The following SLCO3A1 variants were observed in gnomAD, a reference collection of about 807,000 sequenced individuals.
SLCO3A1 encodes the protein PGE1 transporter.
SLCO3A1 carries 27 observed loss-of-function variants against 63.1 expected under a neutral mutation model. That is an observed-to-expected ratio of 0.43 (90% CI 0.32 to 0.59). SLCO3A1 has a LOEUF of 0.59. Ranked by LOEUF, SLCO3A1 falls within the 20% of genes least tolerant of loss-of-function variation. The pLI is 0.09. For synonymous variants in SLCO3A1, 473 were observed against 409.9 expected, an observed-to-expected ratio of 1.15 and a Z score of -1.86; for missense variants, 773 against 945.8, an observed-to-expected ratio of 0.82 and a Z score of 2.40.
chr15:91,974,265 G>GTTGTTA (rs147991710), intron 2 of SLCO3A1, among the ~76,000 whole-genome samples: 1,677 of 142,944 alleles, frequency 0.012, 25 homozygotes, highest in African/African-American at 0.039. Context: ...TTTCATTATT[G>GTTGTTA]TTATTATTAT....
chr15:91,984,374 A>G (rs1419528272), intron 2 of SLCO3A1, among the ~76,000 whole-genome samples: 1 of 152,204 alleles, frequency 6.6e-6, no homozygotes, highest in African/African-American at 2.4e-5. Context: ...TTCTTATCGG[A>G]GATTTACAAA....
rs778079681 is a variant in SLCO3A1 at position 92,104,467 on chromosome 15, C to T, written c.934C>T (p.Pro312Ser). Residue 312 changes from proline (P) to serine (S), a missense_variant, in exon 4 of 10, where the codon CCC becomes TCC. By Grantham distance (74) the Pro-to-Ser change is moderately conservative. Coordinates refer to ENST00000318445, the MANE Select transcript of SLCO3A1 (RefSeq NM_013272.4). ...AMLSEREYER[P>S]KPSNGVLRHP... ...GCTCTCCGAAAGAGAATACGAGAGA[C>T]CCAAGCCCAGCAACGGGGTCCTGAG... The T allele has an allele frequency of 3.1e-6, 5 of 1,614,124 alleles. No homozygotes were observed. Among genetic ancestry groups the T allele is most frequent in the East Asian group, 2.2e-5 (1 of 44,860 alleles).
intron 2 of SLCO3A1, among the ~76,000 whole-genome samples, chr15:92,041,607 C>G (rs2046797616): frequency 6.6e-6 from 1 of 152,168 alleles, no homozygotes; most frequent in Non-Finnish European, 1.5e-5. Flanking sequence ...TGTCAGGTTT[C>G]ACTGAATATA....
intron 2 of SLCO3A1, among the ~76,000 whole-genome samples, chr15:91,931,939 T>C (rs1172357820): frequency 6.6e-6 from 1 of 152,162 alleles, no homozygotes; most frequent in African/African-American, 2.4e-5. Context: ...GATGTGAGCA[T>C]TGAAGAGACT....
intron 2 of SLCO3A1, among the ~76,000 whole-genome samples, chr15:91,997,570 C>T (rs2046206166): frequency 6.6e-6 from 1 of 152,022 alleles, no homozygotes; most frequent in East Asian, 1.9e-4. Context: ...GCAAAAAGAC[C>T]AAAGCTACAG....
At chr15:92,070,503 T>G (rs1411268425) in intron 2 of SLCO3A1, among the ~76,000 whole-genome samples, 3 of 151,942 alleles carry the variant, frequency 2.0e-5, no homozygotes, top group Non-Finnish European at 1.5e-5. Context: ...ATTAGCCAGG[T>G]GGGATGACGC....
intron 2 of SLCO3A1, among the ~76,000 whole-genome samples, chr15:91,974,751 C>T (rs771226508): frequency 1.3e-4 from 20 of 152,162 alleles, no homozygotes; most frequent in Admixed American, 5.9e-4. Flanking sequence ...GGCAGGAAGG[C>T]GGAGACATTC....
intron 2 of SLCO3A1, among the ~76,000 whole-genome samples, chr15:92,062,093 A>C (rs2047093715): frequency 2.0e-5 from 3 of 152,156 alleles, no homozygotes; most frequent in Admixed American, 2.0e-4. Context: ...TGAAGAGCAA[A>C]CCCTGAACAC....
intron 9 of SLCO3A1, chr15:92,162,361 G>C (rs1326404645): frequency 5.8e-6 from 1 of 172,792 alleles, no homozygotes; most frequent in Admixed American, 5.9e-5. Flanking sequence ...TGTTGGCCAG[G>C]CTGGTCTCAA....
intron 2 of SLCO3A1, among the ~76,000 whole-genome samples, chr15:92,039,125 C>A (rs1159810229): frequency 1.3e-5 from 2 of 152,250 alleles, no homozygotes; most frequent in Middle Eastern, 3.4e-3. Flanking sequence ...ACCGGAAAAA[C>A]CCTAGAAGAA....
chr15:91,862,740 A>G lies in SLCO3A1; in HGVS notation c.180+8652A>G, dbSNP rs1181948433. ...AAGGCAAACTAAATCCCTGCTCACA[A>G]AACTACAGGAATTTGAGGGAGTTAG... is the stretch of plus-strand genomic sequence containing the variant. On this transcript the variant is annotated intron_variant, in intron 1 of 9. Coordinates refer to ENST00000318445, the MANE Select transcript of SLCO3A1 (RefSeq NM_013272.4). This position sits in a 1 kb window ranked among gnomAD's most constrained non-coding sequence, Gnocchi z 4.0. 6.6e-6 allele frequency among the ~76,000 whole-genome samples: 1 copy of G among 152,198 alleles called. No individual in the cohort carries two copies. The highest frequency in any genetic ancestry group is 1.5e-5 in the Non-Finnish European group (1 of 68,032).
At chr15:91,927,887 A>G (rs573471346) in intron 2 of SLCO3A1, among the ~76,000 whole-genome samples, 1 of 152,324 alleles carries the variant, frequency 6.6e-6, no homozygotes, top group South Asian at 2.1e-4. Context: ...GGTGGTGTCT[A>G]TTATTAGATC....
At chr15:92,112,715 C>T (rs2047744226) in intron 4 of SLCO3A1, among the ~76,000 whole-genome samples, 1 of 152,174 alleles carries the variant, frequency 6.6e-6, no homozygotes, top group Admixed American at 6.5e-5. Context: ...GCTTGGGACA[C>T]CGTAGACACT....
chr15:92,109,647 C>T (rs970265615), intron 4 of SLCO3A1, among the ~76,000 whole-genome samples: 1 of 152,222 alleles, frequency 6.6e-6, no homozygotes, highest in Non-Finnish European at 1.5e-5. Flanking sequence ...GCCAAGTGGT[C>T]TCTTCCTGTC....
chr15:92,093,955 T>G (rs1486147152), intron 2 of SLCO3A1, among the ~76,000 whole-genome samples: 1 of 152,174 alleles, frequency 6.6e-6, no homozygotes, highest in African/African-American at 2.4e-5. Flanking sequence ...GAATTACCCA[T>G]GCACTGACTG....
chr15:91,947,187 C>A lies in SLCO3A1; in HGVS notation c.646+30729C>A, dbSNP rs185069325. Among the ~76,000 whole-genome samples, 196 of 152,346 alleles carry A rather than the reference C, an allele frequency of 1.3e-3. 1 individual carries two copies. Among genetic ancestry groups the A allele is most frequent in the African/African-American group, 4.3e-3 (177 of 41,578 alleles). ...CTCTTTGAAATATCCATGCTTGCCC[C>A]TTCTGGGACCTCCCTCCTGGGTGCA... On this transcript the variant is annotated intron_variant, in intron 2 of 9. Transcript: ENST00000318445.
At chr15:91,994,677 G>A (rs1192063612) in intron 2 of SLCO3A1, among the ~76,000 whole-genome samples, 1 of 150,780 alleles carries the variant, frequency 6.6e-6, no homozygotes. Flanking sequence ...ACTTATTGGA[G>A]CTTCTGTACA....
At chr15:92,073,711 A>G (rs11074040) in intron 2 of SLCO3A1, among the ~76,000 whole-genome samples, 119,255 of 152,142 alleles carry the variant, frequency 0.78, 46,923 homozygotes, top group Admixed American at 0.88. Context: ...TTTGTTGTGG[A>G]GACTGCCCTG....
At chr15:92,025,852 G>A (rs1404942734) in intron 2 of SLCO3A1, among the ~76,000 whole-genome samples, 2 of 152,184 alleles carry the variant, frequency 1.3e-5, no homozygotes, top group African/African-American at 2.4e-5. Flanking sequence ...TTTCCCAAGG[G>A]TCCTTTAGCA....
Sources: allele counts gnomAD v4.1 joint callset (sites outside exome capture counted in the v4.1 genomes callset), GRCh38; gene constraint gnomAD v4.1.1; non-coding constraint Gnocchi (gnomAD v3.1); transcripts MANE v1.5; gene names NCBI Gene and HGNC (gene_info 2026-07-23, HGNC 2026-07-21).